The following NTRK3 variants were observed in gnomAD, a reference collection of about 807,000 sequenced individuals.
NTRK3 encodes NT-3 growth factor receptor.
In NTRK3, 24 loss-of-function variants were observed where a neutral mutation model predicts 91.7. That is an observed-to-expected ratio of 0.26 (90% CI 0.19 to 0.37). The LOEUF (loss-of-function observed/expected upper bound fraction) is 0.37, where lower values mean the gene tolerates loss of function less well. Among genes scored for constraint, NTRK3 ranks in the 10% least tolerant of loss-of-function variants. The pLI is 1.00. For synonymous variants in NTRK3, 483 were observed against 404.0 expected, an observed-to-expected ratio of 1.20 and a Z score of -2.34; for missense variants, 880 against 1,068.9, an observed-to-expected ratio of 0.82 and a Z score of 2.46.
exon 19 of NTRK3, chr15:87,873,721 AT>A (rs899670297): frequency 4.3e-6 from 1 of 230,260 alleles, no homozygotes; most frequent in Non-Finnish European, 8.6e-6. Context: ...AAATAAATAA[AT>A]GGACCGTCGA....
chr15:87,869,501 T>C (rs1295142074), exon 19 of NTRK3: 4 of 218,906 alleles, frequency 1.8e-5, no homozygotes, highest in Non-Finnish European at 3.7e-5. Flanking sequence ...GAAAGTTTTC[T>C]GCTTTGTGTG....
chr15:87,964,007 A>T (rs2072554258), intron 14 of NTRK3, among the ~76,000 whole-genome samples: 1 of 152,206 alleles, frequency 6.6e-6, no homozygotes, highest in African/African-American at 2.4e-5. Flanking sequence ...GATAGTATGG[A>T]TCTCTAAAAC....
exon 19 of NTRK3, chr15:87,860,867 A>G (rs1342135996): frequency 4.6e-6 from 1 of 219,262 alleles, no homozygotes; most frequent in Non-Finnish European, 9.2e-6. Flanking sequence ...ATCAATTGGG[A>G]TTAAAATAAA....
At chr15:88,007,924 G>A (rs532715046) in intron 14 of NTRK3, among the ~76,000 whole-genome samples, 1 of 152,234 alleles carries the variant, frequency 6.6e-6, no homozygotes, top group South Asian at 2.1e-4. Flanking sequence ...CCAAGAAAAT[G>A]CTCCTTTATG....
Position 88,251,789 on chromosome 15 carries a change from G to C in NTRK3, c.248+4117C>G, listed in dbSNP as rs567353436. On this transcript the variant is annotated intron_variant, in intron 3 of 18. Coordinates refer to ENST00000394480, the Ensembl canonical transcript of NTRK3. ...TCCTGTTCAGCCAGGCAGGAGGGTAGTAGGAGCCTTCTAGGACCCTAAGGA... is the reference window on the plus strand; with the variant it reads ...TCCTGTTCAGCCAGGCAGGAGGGTACTAGGAGCCTTCTAGGACCCTAAGGA... 3.9e-5 allele frequency among the ~76,000 whole-genome samples: 6 copies of C among 152,352 alleles called. No individual in the cohort carries two copies. In the South Asian group the frequency reaches 1.2e-3, roughly 32 times the overall value.
chr15:88,124,587 T>C (rs868799945), intron 13 of NTRK3, among the ~76,000 whole-genome samples: 22 of 152,298 alleles, frequency 1.4e-4, no homozygotes, highest in Non-Finnish European at 1.8e-4. Context: ...AAAAGCTCCC[T>C]GCATGGTAGG....
At chr15:88,118,385 G>T (rs2052338473) in intron 13 of NTRK3, among the ~76,000 whole-genome samples, 1 of 152,096 alleles carries the variant, frequency 6.6e-6, no homozygotes, top group South Asian at 2.1e-4. Flanking sequence ...AGAGAGGAGG[G>T]GGTCTGTTGG....
intron 10 of NTRK3, among the ~76,000 whole-genome samples, chr15:88,133,375 C>T (rs2041567444): frequency 6.6e-6 from 1 of 152,170 alleles, no homozygotes; most frequent in Non-Finnish European, 1.5e-5. Context: ...TGCTACCCCA[C>T]ACCTCTCAGG....
At chr15:88,144,893 T>A (rs113250119) in intron 6 of NTRK3, among the ~76,000 whole-genome samples, 153 of 152,016 alleles carry the variant, frequency 1.0e-3, no homozygotes, top group African/African-American at 3.6e-3. Context: ...ACAGCAGAGG[T>A]CCTTAGTGAC....
chr15:88,042,322 G>C (rs2079712492), intron 13 of NTRK3, among the ~76,000 whole-genome samples: 2 of 152,174 alleles, frequency 1.3e-5, no homozygotes, highest in Non-Finnish European at 2.9e-5. Flanking sequence ...GGCAGATGTG[G>C]GACAGAGGCC....
intron 3 of NTRK3, among the ~76,000 whole-genome samples, chr15:88,231,671 G>A (rs572536239): frequency 6.6e-6 from 1 of 152,288 alleles, no homozygotes; most frequent in Admixed American, 6.5e-5. Context: ...CTGTACCCTA[G>A]CTGATCTCAC....
intron 9 of NTRK3, among the ~76,000 whole-genome samples, chr15:88,135,631 A>T (rs2041803829): frequency 6.6e-6 from 1 of 152,200 alleles, no homozygotes; most frequent in Non-Finnish European, 1.5e-5. Context: ...TAGGGGTTTC[A>T]TAAAAGGCAG....
chr15:88,232,620 C>T (rs2051309003), intron 3 of NTRK3, among the ~76,000 whole-genome samples: 1 of 152,144 alleles, frequency 6.6e-6, no homozygotes, highest in African/African-American at 2.4e-5. Flanking sequence ...TGGAAAGGAA[C>T]CGGCTTCTGA....
rs1016009266 is a variant in NTRK3 at position 88,241,644 on chromosome 15, A to G, written c.248+14262T>C. ...AGAATGCCAGCTGGGTGCTGGGAGC[A>G]GGAAGCGGGGCTACCCTTCAATACC... On this transcript the variant is annotated intron_variant, in intron 3 of 18. Transcript: ENST00000394480. This position sits in a 1 kb window ranked among gnomAD's most constrained non-coding sequence, Gnocchi z 4.3. Among the ~76,000 whole-genome samples the G allele has an allele frequency of 6.6e-6, 1 of 152,136 alleles. No homozygotes were observed. Among genetic ancestry groups the G allele is most frequent in the Non-Finnish European group, 1.5e-5 (1 of 67,998 alleles).
At chr15:87,981,284 G>T (rs767870497) in intron 14 of NTRK3, 1 of 1,588,538 alleles carries the variant, frequency 6.3e-7, no homozygotes, top group South Asian at 1.1e-5. Flanking sequence ...CATATATATA[G>T]TGAGTTGATG....
chr15:87,873,162 G>C (rs1451021698), exon 19 of NTRK3: 1 of 231,904 alleles, frequency 4.3e-6, no homozygotes, highest in African/African-American at 2.2e-5. Context: ...CCGCAAAGTA[G>C]GCATCACTAG....
At chr15:88,008,121 TG>T (rs1423875380) in intron 14 of NTRK3, among the ~76,000 whole-genome samples, 1 of 152,168 alleles carries the variant, frequency 6.6e-6, no homozygotes, top group East Asian at 1.9e-4. Context: ...TAATTTGGGT[TG>T]GATCTCTCCA....
chr15:88,252,250 C>A (rs2053475568), intron 3 of NTRK3, among the ~76,000 whole-genome samples: 1 of 152,016 alleles, frequency 6.6e-6, no homozygotes, highest in African/African-American at 2.4e-5. Flanking sequence ...TGGGGCCTGG[C>A]TCATACCCTG....
intron 14 of NTRK3, among the ~76,000 whole-genome samples, chr15:88,004,734 T>C (rs192146044): frequency 8.6e-5 from 13 of 151,708 alleles, no homozygotes; most frequent in Non-Finnish European, 1.2e-4. Context: ...TGTGGGAGAG[T>C]GTGAGAGGCC....
Sources: gnomAD v4.1 joint callset for allele counts (sites outside exome capture counted in the v4.1 genomes callset) on GRCh38, gnomAD v4.1.1 for gene constraint, Gnocchi (gnomAD v3.1) non-coding constraint, MANE v1.5 for transcripts, NCBI Gene and HGNC (gene_info 2026-07-23, HGNC 2026-07-21) for gene names.